CYLD: variants seen among roughly 807,000 people sequenced by gnomAD.
CYLD encodes ubiquitin carboxyl-terminal hydrolase CYLD.
A neutral mutation model predicts 104.5 loss-of-function variants in CYLD; 26 were observed. That is an observed-to-expected ratio of 0.25 (90% CI 0.18 to 0.35). The LOEUF (loss-of-function observed/expected upper bound fraction) is 0.35. CYLD is among the 10% of genes least tolerant of loss of function. The pLI, the probability that CYLD is intolerant of heterozygous loss-of-function variation, is 1.00. For synonymous variants in CYLD, 385 were observed against 399.9 expected (o/e 0.96, Z 0.45); for missense variants, 703 against 1,136.1 (o/e 0.62, Z 5.48).
At chr16:50,760,130 T>C (rs980011655) in intron 5 of CYLD, among the ~76,000 whole-genome samples, 1 of 152,226 alleles carries the variant, frequency 6.6e-6, no homozygotes, top group African/African-American at 2.4e-5. Flanking sequence ...GCATTTCACA[T>C]TAAGTTGCAG....
At chr16:50,745,362 GTT>G (rs535675323) in intron 2 of CYLD, among the ~76,000 whole-genome samples, 5 of 78,750 alleles carry the variant, frequency 6.3e-5, no homozygotes, top group African/African-American at 1.1e-4. Context: ...TTTCCTCTTT[GTT>G]TTTTTTTTTT....
chr16:50,751,474 T>G, intron 3 of CYLD, 130 bp from the exon 4 acceptor site: 1 of 671,110 alleles, frequency 1.5e-6, no homozygotes, highest in Non-Finnish European at 2.5e-6. Flanking sequence ...CTGCTAATAA[T>G]TGTATTTCTT....
At chr16:50,783,649 C>G (rs1050382233) in intron 11 of CYLD, among the ~76,000 whole-genome samples, 64 of 152,198 alleles carry the variant, frequency 4.2e-4, no homozygotes, top group Admixed American at 2.6e-3. Flanking sequence ...AGCGATTCTC[C>G]TATCTCAGCC....
At chr16:50,790,880 C>T (rs1971367261) in intron 14 of CYLD, among the ~76,000 whole-genome samples, 1 of 152,166 alleles carries the variant, frequency 6.6e-6, no homozygotes, top group East Asian at 1.9e-4. Flanking sequence ...AGACTAATGG[C>T]ATGCTATAGT....
chr16:50,761,369 A>T (rs1422450799), intron 5 of CYLD, among the ~76,000 whole-genome samples: 2 of 152,188 alleles, frequency 1.3e-5, no homozygotes. Flanking sequence ...CAGTTGTGCA[A>T]CCATCACCAC....
chr16:50,771,502 A>C (rs1018270803), intron 5 of CYLD, among the ~76,000 whole-genome samples: 4 of 152,120 alleles, frequency 2.6e-5, no homozygotes, highest in African/African-American at 4.8e-5. Context: ...ATCTGTTTTC[A>C]GTTCTGTTGG....
At chr16:50,791,166 G>A (rs1283807384) in intron 14 of CYLD, among the ~76,000 whole-genome samples, 1 of 152,172 alleles carries the variant, frequency 6.6e-6, no homozygotes, top group Admixed American at 6.5e-5. Flanking sequence ...GTCACATCCA[G>A]CATATAATAA....
intron 4 of CYLD, among the ~76,000 whole-genome samples, chr16:50,752,640 C>A (rs989803006): frequency 6.6e-6 from 1 of 152,134 alleles, no homozygotes; most frequent in Non-Finnish European, 1.5e-5. Context: ...CATCCCAAAC[C>A]GAAACTCTGT....
At position 50,782,541 on chromosome 16, in the gene CYLD, T is replaced by C. The variant is rs1457341132; in HGVS notation, c.1826+75T>C. 12 of 1,415,534 alleles carry C rather than the reference T, an allele frequency of 8.5e-6. No homozygotes were observed. The African/African-American group carries it at 9.9e-5, about 12-fold the overall frequency. The allele number at this position is 1,415,534 out of a possible 1,614,324, so 87.7% of individuals were successfully genotyped here. On this transcript the variant is annotated intron_variant, in intron 11 of 18. Coordinates refer to ENST00000427738, the MANE Select transcript of CYLD (RefSeq NM_001378743.1). ...ACACATACCGGTGTGTGTGTGTGTGTGCGTGTGAGTGTGTGTGAAAGAAAC... is the reference window on the plus strand; with the variant it reads ...ACACATACCGGTGTGTGTGTGTGTGCGCGTGTGAGTGTGTGTGAAAGAAAC...
At position 50,751,594 on chromosome 16, in the gene CYLD, T is replaced by TA; in HGVS notation, c.505-5dup. The TA allele has an allele frequency of 1.2e-6, 2 of 1,613,004 alleles. No homozygotes were observed. Among genetic ancestry groups the TA allele is most frequent in the South Asian group, 2.2e-5 (2 of 91,040 alleles). On this transcript the variant is annotated splice_polypyrimidine_tract_variant and intron_variant, in intron 3 of 18. Coordinates refer to ENST00000427738, the MANE Select transcript of CYLD (RefSeq NM_001378743.1). ...ATATCTATTTCTTTCCCTTCTCTCT[T>TA]AAAAACTAGGAAGAAGGTCGTGGTC...
intron 5 of CYLD, among the ~76,000 whole-genome samples, chr16:50,754,951 A>C (rs145453711): frequency 6.9e-6 from 1 of 144,554 alleles, no homozygotes; most frequent in South Asian, 2.1e-4. Flanking sequence ...ATATACACAC[A>C]TATATACATA....
chr16:50,751,750 A>G lies in CYLD; in HGVS notation c.651A>G (p.Ala217=), dbSNP rs1236668980. ...DDDTALESDY[A]GPGDTMQVEL... The stretch of plus-strand genomic sequence containing the variant: ...ACACTGCATTGGAAAGTGATTACGC[A>G]GGTCCTGGGGACACAATGCAGGTCG... Residue 217 remains alanine, a synonymous_variant, in exon 4 of 19, where the codon GCA becomes GCG. Coordinates refer to ENST00000427738, the MANE Select transcript of CYLD (RefSeq NM_001378743.1). The G allele has an allele frequency of 1.9e-6, 3 of 1,613,822 alleles. No homozygotes were observed. Among genetic ancestry groups the G allele is most frequent in the East Asian group, 2.2e-5 (1 of 44,870 alleles).
At chr16:50,765,160 G>A (rs1567435101) in intron 5 of CYLD, among the ~76,000 whole-genome samples, 1 of 151,976 alleles carries the variant, frequency 6.6e-6, no homozygotes, top group Non-Finnish European at 1.5e-5. Flanking sequence ...ATTAATTGAA[G>A]GTTTGTGGCA....
chr16:50,755,092 TACATACATATATAC>T (rs1372780053), intron 5 of CYLD, among the ~76,000 whole-genome samples: 1 of 119,918 alleles, frequency 8.3e-6, no homozygotes, highest in African/African-American at 4.1e-5. Context: ...CACACATATA[TACATACATATATAC>T]ACACATATAC....
rs531557092 is a variant in CYLD at position 50,796,606 on chromosome 16, G to A, written c.*98G>A. 4.8e-6 allele frequency: 6 copies of A among 1,245,302 alleles called. No individual in the cohort carries two copies. The East Asian group carries it at 1.4e-4, about 29-fold the overall frequency. 77.1% of individuals were successfully genotyped at this position (1,245,302 alleles called of 1,614,324 possible). A position where few individuals can be genotyped will look rare whatever the true frequency, so the allele number is the denominator to read the frequency against. ...CTGTTCACGTCCATTGCCGGCAATG[G>A]ATGTCTTTGTGGTGATGATCCTTCA... On this transcript the variant is annotated 3_prime_UTR_variant, in exon 19 of 19. Transcript: ENST00000427738.
Position 50,796,520 on chromosome 16 carries a change from G to A in CYLD, c.*12G>A, listed in dbSNP as rs748496132. 2.0e-5 allele frequency: 33 copies of A among 1,611,542 alleles called. 2 individuals carry two copies. In the South Asian group the frequency reaches 3.1e-4, roughly 15 times the overall value. On this transcript the variant is annotated 3_prime_UTR_variant, in exon 19 of 19. Transcript: ENST00000427738. ...GTTTGTACAAATAACTGGGGTCATC[G>A]GGAAAGGCAAAGAAACTGAAGGCAG...
chr16:50,776,933 A>G (rs1264759816), intron 7 of CYLD, among the ~76,000 whole-genome samples: 1 of 152,194 alleles, frequency 6.6e-6, no homozygotes, highest in East Asian at 1.9e-4. Context: ...GAATTATTTT[A>G]TGTGACATTG....
Position 50,779,870 on chromosome 16 carries a change from G to C in CYLD, c.1344G>C (p.Glu448Asp). The C allele has an allele frequency of 6.2e-7, 1 of 1,614,046 alleles. No homozygotes were observed. The highest frequency in any genetic ancestry group is 8.5e-7 in the Non-Finnish European group (1 of 1,180,000). Residue 448 changes from glutamate to aspartate, a missense_variant, in exon 9 of 19, where the codon GAG becomes GAC. Physicochemically the swap from Glu to Asp is conservative, Grantham distance 45 (BLOSUM62 2). This residue lies in a region of CYLD where 183 missense variants were observed against 212.1 expected (regional missense o/e 0.86). Transcript: ENST00000427738. ...TGTCAGCCCAGTCTGTAATGGAAGA[G>C]CTAAACACTGCACCCGTCCAAGAGA... is the stretch of plus-strand genomic sequence containing the variant. Reference protein sequence around the residue: ...LSLSAQSVMEELNTAPVQESP... With the variant: ...LSLSAQSVMEDLNTAPVQESP...
chr16:50,762,925 T>C (rs1181043495), intron 5 of CYLD, among the ~76,000 whole-genome samples: 3 of 152,224 alleles, frequency 2.0e-5, no homozygotes, highest in Non-Finnish European at 2.9e-5. Flanking sequence ...AATCAGTGCA[T>C]TTTAGTGCAT....
Sources: allele counts gnomAD v4.1 joint callset (sites outside exome capture counted in the v4.1 genomes callset), GRCh38; gene constraint gnomAD v4.1.1; regional missense constraint gnomAD v4.1.1; transcripts MANE v1.5; gene names NCBI Gene and HGNC (gene_info 2026-07-23, HGNC 2026-07-21).